The following TLK1 variants were observed in gnomAD, a reference collection of about 807,000 sequenced individuals.
The protein encoded by TLK1 is tousled like kinase 1.
A neutral mutation model predicts 105.3 loss-of-function variants in TLK1; 24 were observed. That is an observed-to-expected ratio of 0.23 (90% CI 0.17 to 0.32). The LOEUF (loss-of-function observed/expected upper bound fraction) is 0.32. Among genes scored for constraint, TLK1 ranks in the 10% least tolerant of loss-of-function variants. TLK1 has a pLI of 1.00. For synonymous variants in TLK1, 321 were observed against 310.4 expected (o/e 1.03, Z -0.36); for missense variants, 558 against 910.5 (o/e 0.61, Z 4.98).
intron 1 of TLK1, among the ~76,000 whole-genome samples, chr2:171,136,348 G>A (rs1196276836): frequency 6.6e-6 from 1 of 152,184 alleles, no homozygotes; most frequent in Non-Finnish European, 1.5e-5. Context: ...TTTAATGGGT[G>A]TAAAGTTACA....
chr2:171,046,974 TTTG>T (rs1309807431), intron 10 of TLK1, among the ~76,000 whole-genome samples: 2 of 152,206 alleles, frequency 1.3e-5, no homozygotes, highest in Non-Finnish European at 2.9e-5. Flanking sequence ...AAGTTGGTGT[TTTG>T]AAATGAGACA....
chr2:171,127,812 A>G (rs748610097), intron 1 of TLK1, among the ~76,000 whole-genome samples: 3 of 133,800 alleles, frequency 2.2e-5, no homozygotes, highest in African/African-American at 7.5e-5. Context: ...TTTATTCACT[A>G]AATAGTTTCA....
chr2:171,085,719 AAGAATCTACTAC>A (rs1461143066), intron 2 of TLK1, among the ~76,000 whole-genome samples: 1 of 152,232 alleles, frequency 6.6e-6, no homozygotes, highest in African/African-American at 2.4e-5. Context: ...GCCCTTCCTA[AAGAATCTACTAC>A]AGAACAAGCT....
chr2:171,097,682 T>C (rs1689506752), intron 2 of TLK1, among the ~76,000 whole-genome samples: 2 of 152,122 alleles, frequency 1.3e-5, no homozygotes, highest in African/African-American at 4.8e-5. Flanking sequence ...CCCAGTACTT[T>C]GGGAGGCTGA....
chr2:171,175,752 C>T (rs1216347291), intron 1 of TLK1, among the ~76,000 whole-genome samples: 4 of 152,022 alleles, frequency 2.6e-5, no homozygotes, highest in African/African-American at 7.2e-5. Context: ...TTTATTTGAC[C>T]TCTGGGACAC....
chr2:171,134,441 T>C (rs1372959188), intron 1 of TLK1, among the ~76,000 whole-genome samples: 1 of 152,198 alleles, frequency 6.6e-6, no homozygotes, highest in Non-Finnish European at 1.5e-5. Flanking sequence ...TAAAATATAG[T>C]TGGCTAACAA....
chr2:171,088,952 T>C (rs546906521), intron 2 of TLK1, among the ~76,000 whole-genome samples: 1 of 152,356 alleles, frequency 6.6e-6, no homozygotes, highest in African/African-American at 2.4e-5. Context: ...TATGATGATC[T>C]TGGCTCACTG....
upstream of TLK1, among the ~76,000 whole-genome samples, chr2:171,164,558 A>T (rs1360113849): frequency 6.6e-6 from 1 of 152,194 alleles, no homozygotes; most frequent in Admixed American, 6.5e-5. Context: ...CTGTGAGATC[A>T]CATAGTTATT....
At position 170,991,912 on chromosome 2, in the gene TLK1, T is replaced by C. The variant is rs1204228487; in HGVS notation, c.*1868A>G. ...TTACCATGTAGTATTTTTTTTTTAA[T>C]AGGATTTCTCTGTGCTCTACAGAGG... On this transcript the variant is annotated 3_prime_UTR_variant, in exon 21 of 21. Transcript: ENST00000431350. 6.6e-6 allele frequency: 1 copy of C among 151,950 alleles called. No individual in the cohort carries two copies. The highest frequency in any genetic ancestry group is 2.4e-5 in the African/African-American group (1 of 41,388). The allele number at this position is 151,950 out of a possible 1,614,324, so 9.4% of individuals were successfully genotyped here.
chr2:171,141,336 G>A (rs1691566033), intron 1 of TLK1, among the ~76,000 whole-genome samples: 1 of 152,168 alleles, frequency 6.6e-6, no homozygotes, highest in Non-Finnish European at 1.5e-5. Flanking sequence ...TGTCTACTGA[G>A]AACTTAAAAT....
intron 1 of TLK1, among the ~76,000 whole-genome samples, chr2:171,126,675 C>G (rs544184675): frequency 1.3e-5 from 2 of 152,150 alleles, no homozygotes; most frequent in South Asian, 2.1e-4. Context: ...ATAGTAGATT[C>G]AATTGCTGCT....
At chr2:171,136,654 T>C (rs1575620508) in intron 1 of TLK1, among the ~76,000 whole-genome samples, 1 of 152,156 alleles carries the variant, frequency 6.6e-6, no homozygotes, top group Non-Finnish European at 1.5e-5. Flanking sequence ...TGAAAAAAAA[T>C]GGCTAAAATG....
chr2:171,038,963 T>C (rs1686516369), intron 11 of TLK1, among the ~76,000 whole-genome samples: 1 of 152,172 alleles, frequency 6.6e-6, no homozygotes, highest in Non-Finnish European at 1.5e-5. Context: ...GATCTGTCTA[T>C]TATTATTAGT....
Position 171,060,099 on chromosome 2 carries a change from G to A in TLK1, c.406+982C>T, listed in dbSNP as rs1391252174. 8 of 1,491,576 alleles carry A rather than the reference G, an allele frequency of 5.4e-6. No homozygotes were observed. In the African/African-American group the frequency reaches 9.9e-5, roughly 18 times the overall value. 92.4% of individuals were successfully genotyped at this position (1,491,576 alleles called of 1,614,324 possible). On this transcript the variant is annotated intron_variant, in intron 4 of 20. Coordinates refer to ENST00000431350, the MANE Select transcript of TLK1 (RefSeq NM_012290.5). The stretch of plus-strand genomic sequence containing the variant: ...TAAAGCAAATATAAGTGAGGAAGGT[G>A]AAACAAGAAAAAACAATTTAGGCAA...
chr2:171,230,820 G>A (rs984181844), intron 1 of TLK1, among the ~76,000 whole-genome samples: 12 of 152,120 alleles, frequency 7.9e-5, no homozygotes, highest in Non-Finnish European at 1.5e-4. Flanking sequence ...AAGCCAAGAC[G>A]CTAGCAACTC....
At chr2:171,153,576 T>C (rs1221348819) in intron 1 of TLK1, among the ~76,000 whole-genome samples, 5 of 152,206 alleles carry the variant, frequency 3.3e-5, no homozygotes, top group Non-Finnish European at 7.3e-5. Context: ...TCAAGACCTT[T>C]CTGTCTAGTA....
chr2:171,096,145 A>G (rs1379258109), intron 2 of TLK1, among the ~76,000 whole-genome samples: 2 of 152,230 alleles, frequency 1.3e-5, no homozygotes, highest in South Asian at 4.1e-4. Context: ...TTCCACCAAG[A>G]AACTATTGGA....
intron 1 of TLK1, among the ~76,000 whole-genome samples, chr2:171,192,733 A>G (rs1693179535): frequency 1.3e-5 from 2 of 152,288 alleles, no homozygotes; most frequent in East Asian, 1.9e-4. Flanking sequence ...AAAAGAAATC[A>G]GTCTGAACCA....
chr2:171,148,879 T>TAAAAAA (rs745504391), intron 1 of TLK1, among the ~76,000 whole-genome samples: 19 of 103,918 alleles, frequency 1.8e-4, no homozygotes, highest in African/African-American at 5.8e-4. Context: ...GACTCTGTCT[T>TAAAAAA]AAAAAAAAAA....
Sources: gnomAD v4.1 joint callset for allele counts (sites outside exome capture counted in the v4.1 genomes callset) on GRCh38, gnomAD v4.1.1 for gene constraint, MANE v1.5 for transcripts, NCBI Gene and HGNC (gene_info 2026-07-23, HGNC 2026-07-21) for gene names.